The following KCNH1 variants were observed in gnomAD, a reference collection of about 807,000 sequenced individuals.
KCNH1 encodes the protein potassium voltage-gated channel subfamily H member 1.
Under a neutral mutation model 69.2 loss-of-function variants are expected in KCNH1, and 27 were observed. The ratio of observed to expected loss-of-function variants is 0.39; its 90% CI spans 0.29 to 0.54. The LOEUF (loss-of-function observed/expected upper bound fraction) is 0.54, where lower values mean the gene tolerates loss of function less well. Ranked by LOEUF, KCNH1 falls within the 20% of genes least tolerant of loss-of-function variation. The pLI is 0.68. For missense variants in KCNH1, 798 were observed against 1,261.6 expected (o/e 0.63, Z 5.57); for synonymous variants, 456 against 487.7 (o/e 0.93, Z 0.86).
chr1:210,917,223 G>A (rs769111511), intron 7 of KCNH1, among the ~76,000 whole-genome samples: 7 of 83,322 alleles, frequency 8.4e-5, no homozygotes, highest in Middle Eastern at 6.3e-3. Flanking sequence ...GAGAGAGAGA[G>A]AGAGAGAGAA....
At chr1:210,734,810 C>A (rs563242825) in intron 10 of KCNH1, among the ~76,000 whole-genome samples, 1 of 151,986 alleles carries the variant, frequency 6.6e-6, no homozygotes, top group Admixed American at 6.6e-5. Context: ...ATAGCACCTA[C>A]CCCATAAGGT....
Position 210,709,746 on chromosome 1 carries a change from G to GAGAA in KCNH1, c.2113-25609_2113-25608insTTCT, listed in dbSNP as rs1682019764. 1.0e-4 allele frequency among the ~76,000 whole-genome samples: 8 copies of GAGAA among 78,598 alleles called. No individual in the cohort carries two copies. The South Asian group carries it at 3.9e-3, about 38-fold the overall frequency. 51.6% of individuals were successfully genotyped at this position (78,598 alleles called of 152,430 possible). A position where few individuals can be genotyped will look rare whatever the true frequency, so the allele number is the denominator to read the frequency against. On this transcript the variant is annotated intron_variant, in intron 10 of 10. Coordinates refer to ENST00000271751, the MANE Select transcript of KCNH1 (RefSeq NM_172362.3). ...GAAGAGAGAGAGAGAGAGAGAAAGA[G>GAGAA]AGAGAGAGAGAGAGAGAGAAATGAT...
At chr1:210,780,694 G>A (rs1024879832) in intron 9 of KCNH1, among the ~76,000 whole-genome samples, 1 of 152,212 alleles carries the variant, frequency 6.6e-6, no homozygotes, top group African/African-American at 2.4e-5. Flanking sequence ...GATGATTCCA[G>A]GCAGAGGGAT....
chr1:210,844,765 T>A (rs531523560), intron 7 of KCNH1, among the ~76,000 whole-genome samples: 10 of 152,230 alleles, frequency 6.6e-5, no homozygotes, highest in African/African-American at 2.4e-4. Flanking sequence ...CAAAAAACCC[T>A]TCAAAAAATC....
intron 7 of KCNH1, among the ~76,000 whole-genome samples, chr1:210,842,114 G>C (rs1685425775): frequency 6.6e-6 from 1 of 152,050 alleles, no homozygotes; most frequent in South Asian, 2.1e-4. Flanking sequence ...ATTTGGCTTT[G>C]TCCCCACCAG....
rs188692166 is a variant in KCNH1, at chr1:210,766,251, T to C, written c.2112+9097A>G. ...ATCAAGTCAGAGAAGTGTGGCCAGG[T>C]AGGGTAGTTCCCGCCTGTAATCCCA... On this transcript the variant is annotated intron_variant, in intron 10 of 10. Transcript: ENST00000271751. 1.1e-3 allele frequency among the ~76,000 whole-genome samples: 165 copies of C among 151,862 alleles called. 1 individual carries two copies. Among genetic ancestry groups the C allele is most frequent in the Admixed American group, 0.011 (165 of 15,262 alleles).
intron 7 of KCNH1, among the ~76,000 whole-genome samples, chr1:210,840,168 G>A (rs1388960306): frequency 6.6e-6 from 1 of 152,098 alleles, no homozygotes; most frequent in Non-Finnish European, 1.5e-5. Context: ...TTTTTCTTTT[G>A]GTAAAGGCAA....
intron 7 of KCNH1, among the ~76,000 whole-genome samples, chr1:210,833,574 A>T (rs1685213954): frequency 6.6e-6 from 1 of 152,220 alleles, no homozygotes; most frequent in African/African-American, 2.4e-5. Context: ...CTAAAACCAT[A>T]AAAACCCTAG....
intron 6 of KCNH1, among the ~76,000 whole-genome samples, chr1:210,939,757 C>T (rs114071583): frequency 6.6e-6 from 1 of 152,174 alleles, no homozygotes; most frequent in Non-Finnish European, 1.5e-5. Context: ...TAGAAAGTAG[C>T]ACAGCTAGAA....
intron 10 of KCNH1, among the ~76,000 whole-genome samples, chr1:210,701,095 G>A (rs12086867): frequency 0.013 from 1,969 of 151,934 alleles, 29 homozygotes; most frequent in African/African-American, 0.045. Context: ...CCGCCACCAC[G>A]CCTGGCTAAT....
chr1:210,806,837 ATATAT>A (rs1294715611), intron 7 of KCNH1, among the ~76,000 whole-genome samples: 1 of 70,314 alleles, frequency 1.4e-5, no homozygotes. Flanking sequence ...AAAAAAAAAA[ATATAT>A]ATATATATAT....
At chr1:210,941,494 G>A (rs1379734116) in intron 6 of KCNH1, among the ~76,000 whole-genome samples, 2 of 152,156 alleles carry the variant, frequency 1.3e-5, no homozygotes, top group Non-Finnish European at 2.9e-5. Context: ...TAAAGTACAG[G>A]CCAGTAGCCC....
intron 5 of KCNH1, among the ~76,000 whole-genome samples, chr1:211,053,344 T>C (rs1300662502): frequency 1.3e-5 from 2 of 151,968 alleles, no homozygotes; most frequent in African/African-American, 2.4e-5. Flanking sequence ...ATAACAGAAA[T>C]ACAAACCAGT....
intron 10 of KCNH1, among the ~76,000 whole-genome samples, chr1:210,755,729 T>C (rs1225743581): frequency 1.3e-5 from 2 of 152,200 alleles, no homozygotes; most frequent in African/African-American, 4.8e-5. Flanking sequence ...ACTTTGACTT[T>C]ATTTCTCAGT....
At chr1:210,709,114 G>T (rs548108520) in intron 10 of KCNH1, among the ~76,000 whole-genome samples, 1 of 152,238 alleles carries the variant, frequency 6.6e-6, no homozygotes, top group South Asian at 2.1e-4. Context: ...AGCCAGGCAA[G>T]GTGGCACGCC....
At chr1:210,804,275 C>T in intron 7 of KCNH1, 109 bp from the exon 8 acceptor site, 2 of 879,950 alleles carry the variant, frequency 2.3e-6, no homozygotes, top group Admixed American at 2.1e-5. Flanking sequence ...CAGAGCTGTC[C>T]CTCCCCAGTG....
chr1:210,894,364 A>G (rs1686816258), intron 7 of KCNH1, among the ~76,000 whole-genome samples: 1 of 152,188 alleles, frequency 6.6e-6, no homozygotes, highest in Non-Finnish European at 1.5e-5. Flanking sequence ...TGTCCCGTCA[A>G]TACAGCTGGC....
At chr1:210,974,718 T>C (rs376598580) in intron 6 of KCNH1, among the ~76,000 whole-genome samples, 1 of 152,010 alleles carries the variant, frequency 6.6e-6, no homozygotes, top group African/African-American at 2.4e-5. Context: ...TGCGTGACAC[T>C]ACGCCCGGCT....
intron 5 of KCNH1, among the ~76,000 whole-genome samples, chr1:211,063,999 T>A (rs1190723329): frequency 1.3e-5 from 2 of 152,136 alleles, no homozygotes; most frequent in Non-Finnish European, 2.9e-5. Flanking sequence ...TAAAACAGTT[T>A]TAAGTGGATA....
Sources: allele counts gnomAD v4.1 joint callset (sites outside exome capture counted in the v4.1 genomes callset), GRCh38; gene constraint gnomAD v4.1.1; transcripts MANE v1.5; gene names NCBI Gene and HGNC (gene_info 2026-07-23, HGNC 2026-07-21).